The following DOCK2 variants were observed in gnomAD, a reference collection of about 807,000 sequenced individuals.
DOCK2 encodes dedicator of cytokinesis protein 2.
A neutral mutation model predicts 248.9 loss-of-function variants in DOCK2; 87 were observed. That is an observed-to-expected ratio of 0.35 (90% CI 0.29 to 0.42). The LOEUF (loss-of-function observed/expected upper bound fraction) is 0.42, where lower values mean the gene tolerates loss of function less well. Among genes scored for constraint, DOCK2 ranks in the 10% least tolerant of loss-of-function variants. The pLI is 1.00. For synonymous variants in DOCK2, 805 were observed against 821.6 expected (o/e 0.98, Z 0.35); for missense variants, 1,747 against 2,300.2 (o/e 0.76, Z 4.92).
chr5:170,004,929 A>T (rs1173666293), intron 30 of DOCK2, among the ~76,000 whole-genome samples: 1 of 94,422 alleles, frequency 1.1e-5, no homozygotes, highest in Non-Finnish European at 2.1e-5. Context: ...GGGTGGGGGG[A>T]GGGGGGAGGG....
chr5:169,643,302 G>T (rs1757252621), intron 1 of DOCK2, among the ~76,000 whole-genome samples: 1 of 152,134 alleles, frequency 6.6e-6, no homozygotes, highest in Non-Finnish European at 1.5e-5. Context: ...CCGCCAATGT[G>T]GACACTTTCC....
At chr5:170,045,705 A>G in intron 38 of DOCK2, 111 bp from the exon 39 acceptor site, 1 of 1,074,686 alleles carries the variant, frequency 9.3e-7, no homozygotes, top group South Asian at 1.3e-5. Context: ...GGTCAGAGCA[A>G]GGTTTCCCCT....
Position 169,689,247 on chromosome 5 carries a change from C to T in DOCK2, c.762-5C>T, listed in dbSNP as rs201709872. On this transcript the variant is annotated splice_polypyrimidine_tract_variant and splice_region_variant and intron_variant, in intron 8 of 51. Coordinates refer to ENST00000520908, the MANE Select transcript of DOCK2 (RefSeq NM_004946.3). ...AGTAACGGGCTGCCACTCTTCTTCC[C>T]ACAGTGAGAACTACCTAGTGCGATG... 6.2e-7 allele frequency: 1 copy of T among 1,613,970 alleles called. No individual in the cohort carries two copies. Among genetic ancestry groups the T allele is most frequent in the East Asian group, 2.2e-5 (1 of 44,856 alleles).
intron 39 of DOCK2, 101 bp downstream of exon 39, chr5:170,046,006 GT>G: frequency 1.8e-6 from 2 of 1,101,050 alleles, no homozygotes; most frequent in Non-Finnish European, 1.4e-6. Flanking sequence ...GCCAGGCGGG[GT>G]TAGGGAAATA....
intron 27 of DOCK2, among the ~76,000 whole-genome samples, chr5:169,966,772 G>A (rs944365013): frequency 6.6e-6 from 1 of 152,150 alleles, no homozygotes; most frequent in Non-Finnish European, 1.5e-5. Flanking sequence ...GGAAAGAATG[G>A]CCAGGACTCC....
In DOCK2 at chr5:169,814,306, C is replaced by T. The variant is rs148958368; in HGVS notation, c.2703+11100C>T. ...CTATGGGAATCTTACCAAAAATGTACAGCCTCGATCTGATGATGAGAAGAC... is the reference window on the plus strand; with the variant it reads ...CTATGGGAATCTTACCAAAAATGTATAGCCTCGATCTGATGATGAGAAGAC... On this transcript the variant is annotated intron_variant, in intron 26 of 51. Coordinates refer to ENST00000520908, the MANE Select transcript of DOCK2 (RefSeq NM_004946.3). Among the ~76,000 whole-genome samples, 736 of 152,302 alleles carry T rather than the reference C, an allele frequency of 4.8e-3. 4 individuals carry two copies. The highest frequency in any genetic ancestry group is 0.016 in the African/African-American group (665 of 41,556).
chr5:169,785,408 T>C (rs905969320), intron 25 of DOCK2, among the ~76,000 whole-genome samples: 2 of 152,300 alleles, frequency 1.3e-5, no homozygotes, highest in East Asian at 1.9e-4. Context: ...CAAAATGCAA[T>C]TTATCAAATA....
intron 19 of DOCK2, among the ~76,000 whole-genome samples, chr5:169,714,685 A>G (rs1342309766): frequency 2.0e-5 from 3 of 152,166 alleles, no homozygotes; most frequent in Non-Finnish European, 4.4e-5. Context: ...GTTATGCTCA[A>G]TCTCTGGAAA....
chr5:169,833,335 T>A (rs1299561416), intron 26 of DOCK2, among the ~76,000 whole-genome samples: 1 of 152,208 alleles, frequency 6.6e-6, no homozygotes. Flanking sequence ...GGTACATATT[T>A]TTCCTCCCTC....
At position 169,637,377 on chromosome 5, in the gene DOCK2, C is replaced by A; in HGVS notation, c.43+8C>A. 7.1e-7 allele frequency: 1 copy of A among 1,399,260 alleles called. No individual in the cohort carries two copies. Among genetic ancestry groups the A allele is most frequent in the Non-Finnish European group, 9.3e-7 (1 of 1,075,710 alleles). The allele number at this position is 1,399,260 out of a possible 1,614,324, so 86.7% of individuals were successfully genotyped here. A position where few individuals can be genotyped will look rare whatever the true frequency, so the allele number is the denominator to read the frequency against. ...AGGAGCGGCACGGCGTGGGTAGGTG[C>A]GGGCCCCAGGGCGCGGCAGGGAGCG... On this transcript the variant is annotated splice_region_variant and intron_variant, in intron 1 of 51. Transcript: ENST00000520908.
intron 33 of DOCK2, 114 bp from the exon 34 acceptor site, chr5:170,027,749 T>G (rs1755970427): frequency 5.2e-6 from 5 of 963,562 alleles, no homozygotes; most frequent in Non-Finnish European, 7.7e-6. Flanking sequence ...ATCCCAGCAC[T>G]CAACCTGGGA....
intron 27 of DOCK2, among the ~76,000 whole-genome samples, chr5:169,952,992 T>C (rs1234275132): frequency 2.0e-5 from 3 of 152,216 alleles, no homozygotes; most frequent in South Asian, 2.1e-4. Context: ...TACTTATTTA[T>C]TGAATTGTTT....
intron 22 of DOCK2, among the ~76,000 whole-genome samples, chr5:169,727,303 A>G (rs139426465): frequency 6.6e-6 from 1 of 152,308 alleles, no homozygotes; most frequent in Non-Finnish European, 1.5e-5. Flanking sequence ...TCATTATATA[A>G]AAGAGAAAAT....
chr5:169,682,105 C>CTACAAGA (rs1759700091), intron 7 of DOCK2, among the ~76,000 whole-genome samples: 1 of 152,186 alleles, frequency 6.6e-6, no homozygotes, highest in Non-Finnish European at 1.5e-5. Context: ...GTTTCTTGAT[C>CTACAAGA]TCTTGGAGCT....
chr5:169,850,823 A>C lies in DOCK2; in HGVS notation c.2799+9971A>C, dbSNP rs184478379. On this transcript the variant is annotated intron_variant, in intron 27 of 51. Transcript: ENST00000520908. ...CATTTATCAAGGTAGACTTCACGGA[A>C]CTGGAACTGGGTCTTGAATGCCACG... 2.4e-3 allele frequency among the ~76,000 whole-genome samples: 363 copies of C among 152,350 alleles called. 2 individuals carry two copies. The highest frequency in any genetic ancestry group is 3.2e-3 in the Non-Finnish European group (219 of 68,022).
chr5:169,821,509 C>A (rs982991359), intron 26 of DOCK2, among the ~76,000 whole-genome samples: 1 of 152,116 alleles, frequency 6.6e-6, no homozygotes, highest in Admixed American at 6.5e-5. Flanking sequence ...AATTTCATAT[C>A]CAGCCAAACT....
At chr5:169,641,056 G>A (rs767830171) in intron 1 of DOCK2, among the ~76,000 whole-genome samples, 2 of 152,196 alleles carry the variant, frequency 1.3e-5, no homozygotes, top group Non-Finnish European at 2.9e-5. Context: ...TTACAAAAGC[G>A]TTGCCTTGAT....
At chr5:169,743,176 C>A (rs1763416430) in intron 22 of DOCK2, among the ~76,000 whole-genome samples, 2 of 152,234 alleles carry the variant, frequency 1.3e-5, no homozygotes, top group East Asian at 3.8e-4. Flanking sequence ...GGGGGTCCCA[C>A]AATGCTTAAT....
At chr5:170,037,542 A>C (rs1485928205) in intron 36 of DOCK2, among the ~76,000 whole-genome samples, 1 of 145,998 alleles carries the variant, frequency 6.8e-6, no homozygotes, top group African/African-American at 2.6e-5. Flanking sequence ...GCTGGAGTGC[A>C]GTGGTGCCTA....
Sources: gnomAD v4.1 joint callset for allele counts (sites outside exome capture counted in the v4.1 genomes callset) on GRCh38, gnomAD v4.1.1 for gene constraint, MANE v1.5 for transcripts, NCBI Gene and HGNC (gene_info 2026-07-23, HGNC 2026-07-21) for gene names.